Variants in ATP8A2 observed in about 807,000 individuals in gnomAD.
ATP8A2 encodes the protein ATPase phospholipid transporting 8A2.
ATP8A2 carries 100 observed loss-of-function variants against 165.6 expected under a neutral mutation model. That is an observed-to-expected ratio of 0.60 (90% confidence interval 0.51 to 0.71). The LOEUF is 0.71. Ranked by LOEUF, ATP8A2 falls within the 30% of genes least tolerant of loss-of-function variation. ATP8A2 has a pLI of 0.00. For synonymous variants in ATP8A2, 543 were observed against 548.8 expected, an observed-to-expected ratio of 0.99 and a Z score of 0.15; for missense variants, 1,227 against 1,479.5, an observed-to-expected ratio of 0.83 and a Z score of 2.80.
rs1032446530 is a variant in ATP8A2, at chr13:25,837,295, G to A, written c.2877+10G>A. On this transcript the variant is annotated intron_variant, in intron 29 of 36. Coordinates refer to ENST00000381655, the MANE Select transcript of ATP8A2 (RefSeq NM_016529.6). Reference sequence around the variant, plus strand: ...AGGCTTCAACACAAAGGTAAACAGAGTGTGATCTCAGAACTGTCACCTCAG... The same window carrying A: ...AGGCTTCAACACAAAGGTAAACAGAATGTGATCTCAGAACTGTCACCTCAG... The A allele has an allele frequency of 4.3e-6, 7 of 1,613,838 alleles. No homozygotes were observed. Among genetic ancestry groups the A allele is most frequent in the Non-Finnish European group, 5.9e-6 (7 of 1,179,850 alleles).
chr13:25,835,233 T>A (rs576216659), intron 28 of ATP8A2, among the ~76,000 whole-genome samples: 1 of 152,280 alleles, frequency 6.6e-6, no homozygotes, highest in South Asian at 2.1e-4. Flanking sequence ...TGGCTTCTGG[T>A]AGAAGCTCTG....
intron 24 of ATP8A2, among the ~76,000 whole-genome samples, chr13:25,636,460 T>G (rs538746387): frequency 6.6e-6 from 1 of 152,320 alleles, no homozygotes; most frequent in Admixed American, 6.5e-5. Context: ...TCAAATCACA[T>G]ATAGGTTTGT....
At chr13:25,839,952 G>T (rs558065498) in intron 30 of ATP8A2, among the ~76,000 whole-genome samples, 39 of 152,256 alleles carry the variant, frequency 2.6e-4, no homozygotes, top group African/African-American at 8.9e-4. Flanking sequence ...CTTTTTGTCC[G>T]TGGTTTGAAA....
At chr13:25,478,742 A>G (rs1420921337) in intron 2 of ATP8A2, among the ~76,000 whole-genome samples, 1 of 152,208 alleles carries the variant, frequency 6.6e-6, no homozygotes, top group Admixed American at 6.5e-5. Flanking sequence ...GAGTGTTGGC[A>G]GGTTTCAGCT....
chr13:25,383,475 T>TA (rs903683846), intron 1 of ATP8A2, among the ~76,000 whole-genome samples: 4 of 152,190 alleles, frequency 2.6e-5, no homozygotes, highest in East Asian at 1.9e-4. Context: ...CAGTCCTTTA[T>TA]AAAAAAATCA....
intron 27 of ATP8A2, among the ~76,000 whole-genome samples, chr13:25,781,898 G>A (rs564326284): frequency 3.0e-4 from 45 of 152,134 alleles, no homozygotes; most frequent in Non-Finnish European, 6.0e-4. Context: ...GTTAATGCAC[G>A]GAGATGCTAT....
chr13:25,410,083 C>T (rs2033923419), intron 1 of ATP8A2, among the ~76,000 whole-genome samples: 1 of 151,496 alleles, frequency 6.6e-6, no homozygotes, highest in Non-Finnish European at 1.5e-5. Context: ...TCACATACAA[C>T]GTGTGCTCAG....
At chr13:25,872,611 A>G (rs921469517) in intron 33 of ATP8A2, among the ~76,000 whole-genome samples, 1 of 152,130 alleles carries the variant, frequency 6.6e-6, no homozygotes, top group Non-Finnish European at 1.5e-5. Flanking sequence ...GTAGAAGCGA[A>G]TTGTTTGAAA....
At chr13:25,670,181 A>G (rs1224119101) in intron 24 of ATP8A2, among the ~76,000 whole-genome samples, 1 of 152,170 alleles carries the variant, frequency 6.6e-6, no homozygotes, top group Admixed American at 6.5e-5. Flanking sequence ...CTTACTTATT[A>G]TTTTAGTTCA....
intron 18 of ATP8A2, among the ~76,000 whole-genome samples, chr13:25,574,588 C>T (rs1047843189): frequency 3.3e-5 from 5 of 152,166 alleles, no homozygotes; most frequent in Admixed American, 1.3e-4. Context: ...GAAGTGCCTG[C>T]ACTCCCCAAC....
At chr13:25,985,378 G>A (rs779943841) in intron 35 of ATP8A2, among the ~76,000 whole-genome samples, 15 of 152,190 alleles carry the variant, frequency 9.9e-5, no homozygotes, top group Admixed American at 6.5e-4. Context: ...GTCACCCCAC[G>A]CATATACTCA....
rs889298413 is a variant in ATP8A2 at position 25,796,839 on chromosome 13, T to A, written c.2679+21880T>A. The stretch of plus-strand genomic sequence containing the variant: ...GACCGTATTATATTTTATTTAGTTC[T>A]TCTATATTACTTGGTTTTTTTTAAA... On this transcript the variant is annotated intron_variant, in intron 27 of 36. Transcript: ENST00000381655. Among the ~76,000 whole-genome samples the A allele has an allele frequency of 4.6e-5, 7 of 152,360 alleles. No individual in the cohort carries two copies. The East Asian group carries it at 1.2e-3, about 25-fold the overall frequency.
chr13:25,890,437 A>C (rs777897550), intron 33 of ATP8A2, among the ~76,000 whole-genome samples: 2 of 152,198 alleles, frequency 1.3e-5, no homozygotes, highest in Non-Finnish European at 2.9e-5. Flanking sequence ...TCAATTTTAG[A>C]ATTGTGTTCT....
intron 33 of ATP8A2, among the ~76,000 whole-genome samples, chr13:25,948,497 G>T (rs926432686): frequency 2.0e-5 from 3 of 152,142 alleles, no homozygotes; most frequent in African/African-American, 7.2e-5. Context: ...CGAGTCAATG[G>T]CAGAGCTGGG....
intron 24 of ATP8A2, among the ~76,000 whole-genome samples, chr13:25,653,532 A>G (rs1309193241): frequency 6.6e-6 from 1 of 152,184 alleles, no homozygotes; most frequent in East Asian, 1.9e-4. Flanking sequence ...ATTAAATAAT[A>G]TGTATAAGAA....
chr13:25,602,319 A>G (rs1290119248), intron 24 of ATP8A2, among the ~76,000 whole-genome samples: 2 of 152,084 alleles, frequency 1.3e-5, no homozygotes, highest in Non-Finnish European at 2.9e-5. Flanking sequence ...GCTGGCGGGG[A>G]GGGGAGAAGC....
intron 30 of ATP8A2, among the ~76,000 whole-genome samples, chr13:25,854,942 AC>A (rs1952114942): frequency 6.6e-6 from 1 of 151,980 alleles, no homozygotes; most frequent in African/African-American, 2.4e-5. Context: ...CCCAAAAGAA[AC>A]CCTATATTCA....
intron 19 of ATP8A2, 93 bp downstream of exon 19, chr13:25,574,950 T>C: frequency 1.5e-6 from 1 of 656,304 alleles, no homozygotes; most frequent in Non-Finnish European, 2.6e-6. Context: ...TATGATTCAA[T>C]ATATTACTTA....
At chr13:25,986,340 T>C (rs1956280352) in intron 35 of ATP8A2, among the ~76,000 whole-genome samples, 2 of 152,260 alleles carry the variant, frequency 1.3e-5, no homozygotes. Context: ...TGAAAGGTTA[T>C]ACCTTTGGCT....
Sources: allele counts gnomAD v4.1 joint callset (sites outside exome capture counted in the v4.1 genomes callset), GRCh38; gene constraint gnomAD v4.1.1; transcripts MANE v1.5; gene names NCBI Gene and HGNC (gene_info 2026-07-23, HGNC 2026-07-21).